RBFOX2: variants seen among roughly 807,000 people sequenced by gnomAD.
RBFOX2 encodes RNA binding fox-1 homolog 2.
A neutral mutation model predicts 49.1 loss-of-function variants in RBFOX2; 10 were observed. That is an observed-to-expected ratio of 0.20 (90% confidence interval 0.13 to 0.35). RBFOX2 has a LOEUF of 0.35. Among genes scored for constraint, RBFOX2 ranks in the 10% least tolerant of loss-of-function variants. The pLI is 1.00. For synonymous variants in RBFOX2, 183 were observed against 187.4 expected (o/e 0.98, Z 0.19); for missense variants, 323 against 486.9 (o/e 0.66, Z 3.17).
chr22:35,955,823 G>T (rs753326058), intron 1 of RBFOX2, among the ~76,000 whole-genome samples: 1 of 152,176 alleles, frequency 6.6e-6, no homozygotes, highest in Non-Finnish European at 1.5e-5. Context: ...AGGATGGCTG[G>T]ATTCTCATAC....
At chr22:35,914,677 C>T (rs2050203911) in intron 1 of RBFOX2, among the ~76,000 whole-genome samples, 1 of 152,216 alleles carries the variant, frequency 6.6e-6, no homozygotes, top group African/African-American at 2.4e-5. Context: ...CCGGAGTTGG[C>T]TGACTCCTTA....
At chr22:35,848,376 A>G (rs1401397975) in intron 1 of RBFOX2, among the ~76,000 whole-genome samples, 3 of 152,224 alleles carry the variant, frequency 2.0e-5, no homozygotes, top group Non-Finnish European at 4.4e-5. Flanking sequence ...TGAATAATCC[A>G]AAATAACAGA....
chr22:36,027,364 A>C (rs1313719420), intron 1 of RBFOX2, among the ~76,000 whole-genome samples: 1 of 152,172 alleles, frequency 6.6e-6, no homozygotes, highest in Admixed American at 6.5e-5. Context: ...TTCTGGGCAA[A>C]GACCAAATCG....
At chr22:35,890,014 G>GT (rs1435899903) in intron 1 of RBFOX2, among the ~76,000 whole-genome samples, 1 of 152,084 alleles carries the variant, frequency 6.6e-6, no homozygotes, top group Non-Finnish European at 1.5e-5. Context: ...ACCCGAAACT[G>GT]TATCTTTTGA....
intron 9 of RBFOX2, 52 bp from the exon 11 acceptor site, chr22:35,756,196 C>T: frequency 6.8e-7 from 1 of 1,469,936 alleles, no homozygotes; most frequent in South Asian, 1.4e-5. Flanking sequence ...AGAACAGAAA[C>T]ACATTCCGGT....
chr22:35,860,934 T>C (rs1482674068), intron 1 of RBFOX2, among the ~76,000 whole-genome samples: 1 of 152,240 alleles, frequency 6.6e-6, no homozygotes, highest in Non-Finnish European at 1.5e-5. Context: ...TTGTAACACT[T>C]ATCATTTCTT....
chr22:35,768,726 C>T (rs62232589), intron 4 of RBFOX2, among the ~76,000 whole-genome samples: 4,432 of 152,236 alleles, frequency 0.029, 100 homozygotes, highest in Non-Finnish European at 0.045. Context: ...ATACATGCCC[C>T]TTTATGTAAT....
chr22:35,947,672 TAAAAAAA>T (rs559788717), intron 1 of RBFOX2, among the ~76,000 whole-genome samples: 19 of 34,124 alleles, frequency 5.6e-4, no homozygotes, highest in African/African-American at 9.6e-4. Flanking sequence ...GTTTAAAAAG[TAAAAAAA>T]AAAAAAAAAA....
rs1364141087 is a variant in RBFOX2 at position 36,015,362 on chromosome 22, G to A, written c.186+12878C>T. 4.6e-5 allele frequency among the ~76,000 whole-genome samples: 7 copies of A among 152,304 alleles called. No homozygotes were observed. The East Asian group carries it at 1.4e-3, about 29-fold the overall frequency. On this transcript the variant is annotated intron_variant, in intron 1 of 13. Transcript: ENST00000438146. ...TTTAAACAAGGTGTGCATAGCATAAGACCAGGGTCAGACTTTCAGGACAAG... is the reference window on the plus strand; with the variant it reads ...TTTAAACAAGGTGTGCATAGCATAAAACCAGGGTCAGACTTTCAGGACAAG...
At chr22:35,822,503 G>T (rs561641874) in intron 1 of RBFOX2, among the ~76,000 whole-genome samples, 5 of 152,010 alleles carry the variant, frequency 3.3e-5, no homozygotes, top group African/African-American at 7.3e-5. Flanking sequence ...TGATCCTCAC[G>T]TACTGGTAAC....
chr22:35,891,739 A>C (rs2047266269), intron 1 of RBFOX2, among the ~76,000 whole-genome samples: 1 of 152,168 alleles, frequency 6.6e-6, no homozygotes, highest in Non-Finnish European at 1.5e-5. Context: ...TCAAACAAGT[A>C]AGTTGCCTCA....
exon 1 of RBFOX2, chr22:36,028,508 A>T: frequency 9.6e-7 from 1 of 1,040,164 alleles, no homozygotes; most frequent in Non-Finnish European, 1.2e-6. Flanking sequence ...GACTGTCGCG[A>T]CAGGCGGGCG....
At chr22:35,856,313 T>C (rs1165539330) in intron 1 of RBFOX2, among the ~76,000 whole-genome samples, 1 of 152,194 alleles carries the variant, frequency 6.6e-6, no homozygotes, top group Non-Finnish European at 1.5e-5. Flanking sequence ...TAGCAAGCAC[T>C]GGTTAAGTTC....
upstream of RBFOX2, among the ~76,000 whole-genome samples, chr22:35,965,075 T>C (rs148775853): frequency 1.2e-4 from 18 of 152,318 alleles, no homozygotes; most frequent in Middle Eastern, 3.4e-3. Context: ...TGGTATTCAA[T>C]ATAGCCAAGG....
At chr22:35,999,715 T>C (rs1401868341) in intron 1 of RBFOX2, 1 of 152,038 alleles carries the variant, frequency 6.6e-6, no homozygotes. Flanking sequence ...ATAGCCCATG[T>C]TCATGGGGGA....
chr22:35,769,573 C>T (rs1410375128), intron 4 of RBFOX2, among the ~76,000 whole-genome samples: 1 of 152,152 alleles, frequency 6.6e-6, no homozygotes, highest in Non-Finnish European at 1.5e-5. Context: ...CTTATATCTG[C>T]AAAGTGGTAA....
At chr22:35,914,521 T>C (rs563435362) in intron 1 of RBFOX2, among the ~76,000 whole-genome samples, 5 of 152,200 alleles carry the variant, frequency 3.3e-5, no homozygotes, top group Non-Finnish European at 7.3e-5. Flanking sequence ...TCAAGTTCAA[T>C]GCAATGTACC....
chr22:35,744,516 G>A (rs1931607398), intron 11 of RBFOX2, among the ~76,000 whole-genome samples: 1 of 152,184 alleles, frequency 6.6e-6, no homozygotes, highest in Non-Finnish European at 1.5e-5. Context: ...AATTAGCACA[G>A]AAGGGAAACA....
At chr22:35,988,318 AC>A (rs1230822721) in intron 1 of RBFOX2, among the ~76,000 whole-genome samples, 1 of 152,214 alleles carries the variant, frequency 6.6e-6, no homozygotes, top group African/African-American at 2.4e-5. Flanking sequence ...TAAATCACGT[AC>A]TGTGCTACAT....
Sources: gnomAD v4.1 joint callset for allele counts (sites outside exome capture counted in the v4.1 genomes callset) on GRCh38, gnomAD v4.1.1 for gene constraint, MANE v1.5 for transcripts, NCBI Gene and HGNC (gene_info 2026-07-23, HGNC 2026-07-21) for gene names.